CHRNA5: variants seen among roughly 807,000 people sequenced by gnomAD.
The protein encoded by CHRNA5 is cholinergic receptor nicotinic alpha 5 subunit.
A neutral mutation model predicts 41.2 loss-of-function variants in CHRNA5; 28 were observed. The ratio of observed to expected loss-of-function variants is 0.68; its 90% CI spans 0.50 to 0.93. The LOEUF (loss-of-function observed/expected upper bound fraction) is 0.93, where lower values mean the gene tolerates loss of function less well. Ranked by LOEUF, CHRNA5 falls within the 40% of genes least tolerant of loss-of-function variation. CHRNA5 has a pLI of 0.00. For missense variants in CHRNA5, 481 were observed against 581.9 expected, an observed-to-expected ratio of 0.83 and a Z score of 1.78; for synonymous variants, 188 against 205.8, an observed-to-expected ratio of 0.91 and a Z score of 0.74.
chr15:78,581,702 A>G (rs1670408022), intron 2 of CHRNA5, among the ~76,000 whole-genome samples: 1 of 152,326 alleles, frequency 6.6e-6, no homozygotes, highest in African/African-American at 2.4e-5. Flanking sequence ...CAAATGAGAA[A>G]ATAAAAAGTG....
chr15:78,573,947 C>A (rs1023893321), intron 1 of CHRNA5, among the ~76,000 whole-genome samples: 1 of 149,832 alleles, frequency 6.7e-6, no homozygotes, highest in African/African-American at 2.4e-5. Context: ...CAGGCGTGCA[C>A]CACCACGCCT....
exon 6 of CHRNA5, chr15:78,595,054 T>G (rs1348185768): frequency 6.6e-6 from 1 of 152,488 alleles, no homozygotes; most frequent in Non-Finnish European, 1.5e-5. Flanking sequence ...GTAACCTATC[T>G]AAGTTCAAGC....
intron 3 of CHRNA5, 45 bp downstream of exon 3, chr15:78,586,734 C>T: frequency 7.5e-7 from 1 of 1,328,744 alleles, no homozygotes; most frequent in Non-Finnish European, 1.1e-6. Context: ...GTGACTGGGA[C>T]ACCTATTTTT....
chr15:78,593,885 A>G (rs564585), exon 6 of CHRNA5: 60,580 of 151,874 alleles, frequency 0.4, 13,814 homozygotes, highest in East Asian at 0.79. Context: ...TACTAAAAAT[A>G]TGAAATTAGC....
At chr15:78,590,877 G>A (rs2053006879) in intron 5 of CHRNA5, 1 of 487,552 alleles carries the variant, frequency 2.1e-6, no homozygotes. Context: ...CAGCATCTTG[G>A]ATAACTCTAA....
intron 1 of CHRNA5, among the ~76,000 whole-genome samples, chr15:78,580,139 G>A (rs567421362): frequency 6.6e-6 from 1 of 151,724 alleles, no homozygotes; most frequent in South Asian, 2.1e-4. Context: ...AATTAGCCAG[G>A]CGTGGTGGTG....
chr15:78,565,638 A>T (rs199669075), exon 1 of CHRNA5: 3 of 343,004 alleles, frequency 8.7e-6, no homozygotes, highest in Non-Finnish European at 1.4e-5. Context: ...ACTCACACTC[A>T]GTGCTCCATT....
exon 2 of CHRNA5, chr15:78,580,944 A>G: frequency 3.1e-6 from 5 of 1,613,720 alleles, no homozygotes; most frequent in Non-Finnish European, 3.4e-6. Context: ...GACTTGCAAT[A>G]TCTCAATTGG....
chr15:78,589,770 T>C lies in CHRNA5; in HGVS notation c.414-35T>C, dbSNP rs1051111790. 2.1e-6 allele frequency: 3 copies of C among 1,448,510 alleles called. No individual in the cohort carries two copies. The African/African-American group carries it at 4.3e-5, about 21-fold the overall frequency. 89.7% of individuals were successfully genotyped at this position (1,448,510 alleles called of 1,614,324 possible). On this transcript the variant is annotated intron_variant, in intron 4 of 5. Transcript: ENST00000299565. ...AATACAATTCATGTGCATTGTTTAA[T>C]TTCTGCATTGTTATTTTATATGTGT...
chr15:78,580,157 G>C (rs571963681), intron 1 of CHRNA5, among the ~76,000 whole-genome samples: 18 of 151,512 alleles, frequency 1.2e-4, no homozygotes, highest in African/African-American at 3.4e-4. Flanking sequence ...GTGGATACCT[G>C]TAGTCTCAGC....
At chr15:78,581,304 A>G (rs1035516845) in intron 2 of CHRNA5, among the ~76,000 whole-genome samples, 1 of 152,250 alleles carries the variant, frequency 6.6e-6, no homozygotes, top group Non-Finnish European at 1.5e-5. Context: ...TTTTAAGTTT[A>G]AGAGAAAAAG....
chr15:78,590,531 T>A, exon 5 of CHRNA5: 2 of 1,614,194 alleles, frequency 1.2e-6, no homozygotes, highest in Non-Finnish European at 1.7e-6. Context: ...AAGAGGAAAC[T>A]GAGAGTGGTA....
chr15:78,586,571 G>A, intron 2 of CHRNA5, 74 bp from the exon 3 acceptor site: 1 of 898,044 alleles, frequency 1.1e-6, no homozygotes, highest in Non-Finnish European at 1.8e-6. Flanking sequence ...ATATAACAAT[G>A]TGAAATTTAT....
At chr15:78,569,722 C>T (rs11633958) in intron 1 of CHRNA5, among the ~76,000 whole-genome samples, 36,520 of 151,938 alleles carry the variant, frequency 0.24, 5,772 homozygotes, top group Middle Eastern at 0.4. Context: ...TGTGAGCCAC[C>T]GTGCCCGGCC....
chr15:78,574,422 A>G (rs996907308), intron 1 of CHRNA5, among the ~76,000 whole-genome samples: 2 of 151,276 alleles, frequency 1.3e-5, no homozygotes, highest in African/African-American at 4.9e-5. Context: ...TTTTGGCTAC[A>G]TACTATATTT....
intron 2 of CHRNA5, among the ~76,000 whole-genome samples, chr15:78,586,086 G>A (rs573928011): frequency 1.2e-4 from 18 of 152,066 alleles, no homozygotes; most frequent in African/African-American, 3.4e-4. Flanking sequence ...AAGCCACTGC[G>A]CCCAGCCCTC....
At chr15:78,565,588 A>G (rs200455274) in exon 1 of CHRNA5, 17 of 228,430 alleles carry the variant, frequency 7.4e-5, no homozygotes, top group Non-Finnish European at 1.1e-4. Flanking sequence ...TGTGGCGCGG[A>G]GCGGCCCCTC....
rs145245228 is a variant in CHRNA5 at position 78,590,096 on chromosome 15, C to T, written c.705C>T (p.Cys235=). The change falls in exon 5 of 6, where the codon TGC becomes TGT. Residue 235 remains cysteine, a synonymous_variant. Coordinates refer to ENST00000299565, the Ensembl canonical transcript of CHRNA5. ...AAGGAAACAGAACCGACAGCTGTTG[C>T]TGGTATCCGTATGTCACTTACTCAT... The T allele has an allele frequency of 5.7e-5, 92 of 1,614,220 alleles. No homozygotes were observed. The African/African-American group carries it at 1.0e-3, about 18-fold the overall frequency.
chr15:78,565,745 G>A (rs952978648), exon 1 of CHRNA5: 1 of 1,198,452 alleles, frequency 8.3e-7, no homozygotes, highest in South Asian at 4.2e-5. Flanking sequence ...TCAGGGCCCC[G>A]CGCGCTCCGC....
Sources: allele counts gnomAD v4.1 joint callset (sites outside exome capture counted in the v4.1 genomes callset), GRCh38; gene constraint gnomAD v4.1.1; transcripts MANE v1.5; gene names NCBI Gene and HGNC (gene_info 2026-07-23, HGNC 2026-07-21).